ABLIM3: variants seen among roughly 807,000 people sequenced by gnomAD.
ABLIM3 encodes actin binding LIM protein family member 3.
In ABLIM3, 61 loss-of-function variants were observed where a neutral mutation model predicts 109.5. That is an observed-to-expected ratio of 0.56 (90% CI 0.45 to 0.69). ABLIM3 has a LOEUF of 0.69. Among genes scored for constraint, ABLIM3 ranks in the 30% least tolerant of loss-of-function variants. ABLIM3 has a pLI of 0.00. For missense variants in ABLIM3, 796 were observed against 889.5 expected (o/e 0.89, Z 1.34); for synonymous variants, 300 against 324.8 (o/e 0.92, Z 0.82).
chr5:149,154,658 ATTC>A (rs1223334928), intron 2 of ABLIM3, among the ~76,000 whole-genome samples: 4 of 152,202 alleles, frequency 2.6e-5, no homozygotes, highest in Non-Finnish European at 4.4e-5. Flanking sequence ...TGCTCTCACT[ATTC>A]TTCACAGAGC....
chr5:149,159,197 A>G (rs1440841460), intron 2 of ABLIM3, among the ~76,000 whole-genome samples: 1 of 152,244 alleles, frequency 6.6e-6, no homozygotes, highest in African/African-American at 2.4e-5. Flanking sequence ...ATTCAGCAAT[A>G]AAAAGGAACA....
chr5:149,254,148 T>A (rs1754219952), intron 23 of ABLIM3, among the ~76,000 whole-genome samples: 1 of 152,154 alleles, frequency 6.6e-6, no homozygotes, highest in African/African-American at 2.4e-5. Context: ...TTATTACAAT[T>A]CAGGGTGAGA....
intron 13 of ABLIM3, among the ~76,000 whole-genome samples, chr5:149,240,221 A>G (rs193079662): frequency 1.3e-5 from 2 of 152,342 alleles, no homozygotes; most frequent in East Asian, 3.9e-4. Context: ...CCAAGAGACC[A>G]GAAATATGGC....
At chr5:149,161,071 G>A (rs2127446859) in intron 2 of ABLIM3, among the ~76,000 whole-genome samples, 1 of 152,274 alleles carries the variant, frequency 6.6e-6, no homozygotes, top group East Asian at 1.9e-4. Flanking sequence ...GGATGTGGCT[G>A]CCCTCACCCA....
At chr5:149,241,487 G>T (rs578052867) in intron 14 of ABLIM3, among the ~76,000 whole-genome samples, 2 of 152,200 alleles carry the variant, frequency 1.3e-5, no homozygotes, top group African/African-American at 4.8e-5. Context: ...GGGGCCTGGC[G>T]TGGTCGCTCA....
chr5:149,200,875 G>T (rs780588558), intron 5 of ABLIM3, among the ~76,000 whole-genome samples: 1 of 152,180 alleles, frequency 6.6e-6, no homozygotes, highest in Non-Finnish European at 1.5e-5. Flanking sequence ...CTCTTAGAGT[G>T]TTCCATAGAC....
At chr5:149,194,247 AC>A (rs1757753535) in intron 3 of ABLIM3, among the ~76,000 whole-genome samples, 1 of 152,234 alleles carries the variant, frequency 6.6e-6, no homozygotes, top group African/African-American at 2.4e-5. Context: ...TGAGCAAAAA[AC>A]ATTAGCAAGT....
rs192131234 is a variant in ABLIM3 at position 149,247,536 on chromosome 5, C to T, written c.1552-246C>T. 2.6e-4 allele frequency: 173 copies of T among 667,946 alleles called. 1 individual carries two copies. In the East Asian group the frequency reaches 4.3e-3, roughly 17 times the overall value. 41.4% of individuals were successfully genotyped at this position (667,946 alleles called of 1,614,324 possible). On this transcript the variant is annotated intron_variant, in intron 17 of 23. Coordinates refer to ENST00000309868, the MANE Select transcript of ABLIM3 (RefSeq NM_014945.5). ...CTGTGCCAAGACAATGGGATCCTGT[C>T]ACTGGCCAGGCTTGCTTTTTTGTGC...
chr5:149,250,216 AG>A (rs1185375956), intron 19 of ABLIM3, among the ~76,000 whole-genome samples: 5 of 152,280 alleles, frequency 3.3e-5, no homozygotes, highest in African/African-American at 1.2e-4. Flanking sequence ...AGGATAGAAG[AG>A]TGTATGAGTG....
intron 2 of ABLIM3, among the ~76,000 whole-genome samples, chr5:149,157,718 T>C (rs1753976776): frequency 6.6e-6 from 1 of 151,946 alleles, no homozygotes; most frequent in South Asian, 2.1e-4. Context: ...GAAAAGAGTG[T>C]GGGAATACCA....
At position 149,198,209 on chromosome 5, in the gene ABLIM3, G is replaced by T. The variant is rs1158155784; in HGVS notation, c.152-10G>T. The T allele has an allele frequency of 3.1e-6, 5 of 1,605,720 alleles. No individual in the cohort carries two copies. In the South Asian group the frequency reaches 5.6e-5, roughly 18 times the overall value. On this transcript the variant is annotated splice_polypyrimidine_tract_variant and intron_variant, in intron 3 of 23. Transcript: ENST00000309868. The surrounding 1 kb of genome is among the most constrained non-coding windows in gnomAD (Gnocchi z 4.2). Reference sequence around the variant, plus strand: ...TCAACCTGCCCTTGTTTTCCTCCTTGTTCCCCAAGTATGTGGCTGTGGCCT... The same window carrying T: ...TCAACCTGCCCTTGTTTTCCTCCTTTTTCCCCAAGTATGTGGCTGTGGCCT...
intron 3 of ABLIM3, among the ~76,000 whole-genome samples, chr5:149,196,615 G>C (rs1264282811): frequency 6.6e-6 from 1 of 152,234 alleles, no homozygotes; most frequent in Non-Finnish European, 1.5e-5. Context: ...CAGAACCAGG[G>C]GAGCTGGTGA....
chr5:149,213,856 A>G (rs978940073), intron 7 of ABLIM3, among the ~76,000 whole-genome samples: 4 of 152,094 alleles, frequency 2.6e-5, no homozygotes, highest in African/African-American at 4.8e-5. Context: ...TTAGCAATCA[A>G]CTAGTTCAAC....
In ABLIM3 at chr5:149,259,492, A is replaced by T. The variant is rs1312805542; in HGVS notation, c.*1088A>T. 4 of 1,536,038 alleles carry T rather than the reference A, an allele frequency of 2.6e-6. No individual in the cohort carries two copies. The highest frequency in any genetic ancestry group is 3.5e-6 in the Non-Finnish European group (4 of 1,146,906). On this transcript the variant is annotated 3_prime_UTR_variant, in exon 24 of 24. Transcript: ENST00000309868. The stretch of plus-strand genomic sequence containing the variant: ...GTCTGTGGGCTGGCAGGGCAACCAT[A>T]CCATACCCCCGCCAGTCCTCGGCTC...
rs754951859 is a variant in ABLIM3, at chr5:149,239,880, A to G, written c.1196A>G (p.Tyr399Cys). 37 of 1,604,990 alleles carry G rather than the reference A, an allele frequency of 2.3e-5. No individual in the cohort carries two copies. In the Admixed American group the frequency reaches 6.3e-4, roughly 27 times the overall value. Residue 399 changes from tyrosine to cysteine, a missense_variant, in exon 13 of 24, where the codon TAC (tyrosine) becomes TGC (cysteine). By Grantham distance (194) the Tyr-to-Cys change is radical. Transcript: ENST00000309868. ...PTFSRSPHHY[Y>C]RSGPESGRSS... ...TTCTCCCGCTCACCTCACCACTACT[A>G]CCGCTCTGGTAAGGAAGGGGGAGGA...
intron 8 of ABLIM3, among the ~76,000 whole-genome samples, chr5:149,222,583 G>A (rs894481350): frequency 3.3e-5 from 5 of 151,876 alleles, no homozygotes; most frequent in Non-Finnish European, 5.9e-5. Context: ...AATCCGAAAC[G>A]GAGTCTCAAA....
chr5:149,223,559 G>C (rs1191832875), intron 8 of ABLIM3, among the ~76,000 whole-genome samples: 3 of 152,178 alleles, frequency 2.0e-5, no homozygotes, highest in Non-Finnish European at 4.4e-5. Flanking sequence ...CAGCTGGGTC[G>C]AGGGGCCCGT....
At position 149,190,490 on chromosome 5, in the gene ABLIM3, G is replaced by C. The variant is rs117413579; in HGVS notation, c.151+6901G>C. On this transcript the variant is annotated intron_variant, in intron 3 of 23. Transcript: ENST00000309868. The stretch of plus-strand genomic sequence containing the variant: ...AGCCCAGGAGTTTGAGAGCAGCCTG[G>C]GCAACATAGCGAAGCCTCTTCTCTA... Among the ~76,000 whole-genome samples the C allele has an allele frequency of 0.012, 1,828 of 152,120 alleles. 83 individuals carry two copies. In the East Asian group the frequency reaches 0.15, roughly 13 times the overall value.
intron 7 of ABLIM3, 195 bp from the exon 8 acceptor site, chr5:149,216,764 A>C: frequency 1.7e-6 from 1 of 575,404 alleles, no homozygotes; most frequent in Non-Finnish European, 3.1e-6. Context: ...GCCATCAGGG[A>C]TCCATGGAGT....
Sources: gnomAD v4.1 joint callset for allele counts (sites outside exome capture counted in the v4.1 genomes callset) on GRCh38, gnomAD v4.1.1 for gene constraint, Gnocchi (gnomAD v3.1) non-coding constraint, MANE v1.5 for transcripts, NCBI Gene and HGNC (gene_info 2026-07-23, HGNC 2026-07-21) for gene names.